NSD1: variants seen among roughly 807,000 people sequenced by gnomAD.
The protein encoded by NSD1 is histone-lysine N-methyltransferase, H3 lysine-36 specific.
A neutral mutation model predicts 242.7 loss-of-function variants in NSD1; 26 were observed. The observed-to-expected ratio is 0.11, with a 90% confidence interval of 0.08 to 0.15. The LOEUF (loss-of-function observed/expected upper bound fraction) is 0.15. Among genes scored for constraint, NSD1 ranks in the 10% least tolerant of loss-of-function variants. The pLI is 1.00. For synonymous variants in NSD1, 1,106 were observed against 1,178.1 expected (o/e 0.94, Z 1.25); for missense variants, 2,495 against 3,272.8 (o/e 0.76, Z 5.80).
chr5:177,247,248 G>A (rs1042425105), intron 10 of NSD1, among the ~76,000 whole-genome samples: 2 of 152,144 alleles, frequency 1.3e-5, no homozygotes, highest in African/African-American at 4.8e-5. Context: ...TCGCCAACAT[G>A]GTGAAACCTC....
chr5:177,152,062 A>G (rs925746465), intron 2 of NSD1, among the ~76,000 whole-genome samples: 7 of 151,648 alleles, frequency 4.6e-5, no homozygotes, highest in African/African-American at 7.3e-5. Flanking sequence ...GGGTTTCACC[A>G]TGTTAGCCAG....
intron 2 of NSD1, among the ~76,000 whole-genome samples, chr5:177,163,142 CT>C (rs1237651560): frequency 0.065 from 8,614 of 133,006 alleles, 331 homozygotes; most frequent in African/African-American, 0.15. Flanking sequence ...TGAAATGTCT[CT>C]TTTTTTTTTT....
At chr5:177,199,991 A>G (rs1762393594) in intron 3 of NSD1, among the ~76,000 whole-genome samples, 1 of 152,194 alleles carries the variant, frequency 6.6e-6, no homozygotes, top group South Asian at 2.1e-4. Flanking sequence ...TCAACTTACA[A>G]TGGGGATACG....
Position 177,230,826 on chromosome 5 carries a change from CA to C in NSD1, c.3797-4983del, listed in dbSNP as rs531025218. 7.6e-4 allele frequency among the ~76,000 whole-genome samples: 97 copies of C among 127,274 alleles called. No individual in the cohort carries two copies. In the Middle Eastern group the frequency reaches 0.012, roughly 16 times the overall value. The allele number at this position is 127,274 out of a possible 152,430, so 83.5% of individuals were successfully genotyped here. A position where few individuals can be genotyped will look rare whatever the true frequency, so the allele number is the denominator to read the frequency against. ...TGGGCGACAAAGCGAGACTCCGACT[CA>C]AAAAAAAAAAAGAGGAAATGCAACA... On this transcript the variant is annotated intron_variant, in intron 5 of 22. Coordinates refer to ENST00000439151, the MANE Select transcript of NSD1 (RefSeq NM_022455.5).
At chr5:177,267,431 CA>C in intron 14 of NSD1, 130 bp from the exon 15 acceptor site, 1 of 787,308 alleles carries the variant, frequency 1.3e-6, no homozygotes. Context: ...CATTATGTGT[CA>C]CTGATAATGT....
chr5:177,281,544 G>A (rs999999019), intron 18 of NSD1, among the ~76,000 whole-genome samples: 8 of 152,006 alleles, frequency 5.3e-5, no homozygotes, highest in Admixed American at 3.9e-4. Context: ...TTTACATTTC[G>A]GAGGGAGAGA....
At chr5:177,251,983 G>A in intron 12 of NSD1, 130 bp downstream of exon 12, 1 of 1,132,952 alleles carries the variant, frequency 8.8e-7, no homozygotes, top group Non-Finnish European at 1.3e-6. Context: ...AAATGGTGCT[G>A]TGGGGTCACT....
chr5:177,199,993 G>A (rs1462243707), intron 3 of NSD1, among the ~76,000 whole-genome samples: 3 of 152,134 alleles, frequency 2.0e-5, no homozygotes, highest in African/African-American at 7.2e-5. Flanking sequence ...AACTTACAAT[G>A]GGGATACGTT....
intron 2 of NSD1, among the ~76,000 whole-genome samples, chr5:177,173,386 G>A (rs1349548918): frequency 1.3e-5 from 2 of 150,590 alleles, no homozygotes; most frequent in African/African-American, 2.4e-5. Context: ...TTGTCTGGCT[G>A]CTTTTGTGCT....
At chr5:177,159,703 C>G (rs918570720) in intron 2 of NSD1, among the ~76,000 whole-genome samples, 3 of 149,764 alleles carry the variant, frequency 2.0e-5, no homozygotes, top group African/African-American at 7.4e-5. Context: ...TCAAGCAATT[C>G]TGCCTCAGCC....
intron 2 of NSD1, among the ~76,000 whole-genome samples, chr5:177,179,365 G>A (rs1425272409): frequency 6.6e-6 from 1 of 152,038 alleles, no homozygotes; most frequent in African/African-American, 2.4e-5. Context: ...ATAGGCATGC[G>A]CCACCACGCC....
At chr5:177,233,121 C>T (rs961165551) in intron 5 of NSD1, among the ~76,000 whole-genome samples, 6 of 152,164 alleles carry the variant, frequency 3.9e-5, no homozygotes, top group Non-Finnish European at 8.8e-5. Flanking sequence ...GTTGTCCAGG[C>T]TTGAGTGCAG....
At position 177,135,651 on chromosome 5, in the gene NSD1, T is replaced by C. The variant is rs1355289086; in HGVS notation, c.548T>C (p.Ile183Thr). ...ACAGAGGATGAGAGTATAGAGGAGATCTTTGAGGAAACTCAGACCAATGCC... is the reference window on the plus strand; with the variant it reads ...ACAGAGGATGAGAGTATAGAGGAGACCTTTGAGGAAACTCAGACCAATGCC... ...PVTEDESIEE[I>T]FEETQTNATC... Residue 183 changes from isoleucine (I) to threonine (T), a missense_variant, in exon 2 of 23, where the codon ATC (isoleucine) becomes ACC (threonine). Physicochemically the swap from Ile to Thr is moderately conservative, Grantham distance 89. Transcript: ENST00000439151. The C allele has an allele frequency of 6.2e-7, 1 of 1,614,132 alleles. No individual in the cohort carries two copies. Among genetic ancestry groups the C allele is most frequent in the Non-Finnish European group, 8.5e-7 (1 of 1,180,022 alleles).
intron 2 of NSD1, among the ~76,000 whole-genome samples, chr5:177,138,745 T>G (rs557974943): frequency 5.7e-4 from 87 of 151,992 alleles, no homozygotes; most frequent in African/African-American, 2.0e-3. Context: ...GTTCAAGCAG[T>G]TCTCCTGCCT....
intron 2 of NSD1, among the ~76,000 whole-genome samples, chr5:177,145,790 C>A (rs1444115750): frequency 6.6e-6 from 1 of 152,048 alleles, no homozygotes; most frequent in South Asian, 2.1e-4. Context: ...TGCTTGTAAT[C>A]CCAGCTACTT....
intron 3 of NSD1, among the ~76,000 whole-genome samples, chr5:177,196,417 T>C (rs1762106699): frequency 6.6e-6 from 1 of 152,132 alleles, no homozygotes; most frequent in African/African-American, 2.4e-5. Context: ...GATTATGGTG[T>C]GATGAAAATT....
intron 2 of NSD1, among the ~76,000 whole-genome samples, chr5:177,141,453 C>G (rs1227666603): frequency 6.7e-6 from 1 of 150,084 alleles, no homozygotes; most frequent in Admixed American, 6.7e-5. Flanking sequence ...GCCTCAGCCT[C>G]CCAAGTAGCT....
intron 3 of NSD1, among the ~76,000 whole-genome samples, chr5:177,194,506 C>T (rs148276715): frequency 1.3e-5 from 2 of 148,320 alleles, no homozygotes; most frequent in South Asian, 2.2e-4. Context: ...TCTTGAAATC[C>T]TGAGCTTAAT....
intron 2 of NSD1, among the ~76,000 whole-genome samples, chr5:177,148,459 C>T (rs926620757): frequency 1.3e-5 from 2 of 148,540 alleles, no homozygotes; most frequent in African/African-American, 5.0e-5. Context: ...CAATCTCTCT[C>T]TGTCACCCAG....
Sources: allele counts gnomAD v4.1 joint callset (sites outside exome capture counted in the v4.1 genomes callset), GRCh38; gene constraint gnomAD v4.1.1; transcripts MANE v1.5; gene names NCBI Gene and HGNC (gene_info 2026-07-23, HGNC 2026-07-21).